The following EPB41L5 variants were observed in gnomAD, a reference collection of about 807,000 sequenced individuals.
EPB41L5 encodes the protein erythrocyte membrane protein band 4.1 like 5.
In EPB41L5, 55 loss-of-function variants were observed where a neutral mutation model predicts 106.6. The observed-to-expected ratio is 0.52, with a 90% CI of 0.42 to 0.65. The LOEUF (loss-of-function observed/expected upper bound fraction) is 0.65. EPB41L5 is among the 30% of genes least tolerant of loss of function. The pLI is 0.00. For synonymous variants in EPB41L5, 297 were observed against 306.7 expected (o/e 0.97, Z 0.33); for missense variants, 871 against 882.1 (o/e 0.99, Z 0.16).
At chr2:120,153,406 A>T (rs1405610914) in intron 20 of EPB41L5, among the ~76,000 whole-genome samples, 1 of 152,138 alleles carries the variant, frequency 6.6e-6, no homozygotes, top group African/African-American at 2.4e-5. Flanking sequence ...TAACACATGC[A>T]GTCTAGTAGA....
At chr2:120,019,505 C>T (rs573500637) in intron 2 of EPB41L5, among the ~76,000 whole-genome samples, 1 of 152,210 alleles carries the variant, frequency 6.6e-6, no homozygotes, top group Admixed American at 6.5e-5. Context: ...AATGACAGGG[C>T]AGTTATTGGC....
chr2:120,042,624 A>G (rs10207825), intron 3 of EPB41L5, among the ~76,000 whole-genome samples: 150 of 152,328 alleles, frequency 9.8e-4, no homozygotes, highest in African/African-American at 3.5e-3. Flanking sequence ...GTTGGAGGCT[A>G]TTCAAATAAC....
chr2:120,057,424 C>G (rs13032992), intron 3 of EPB41L5, among the ~76,000 whole-genome samples: 26,676 of 152,130 alleles, frequency 0.18, 3,034 homozygotes, highest in East Asian at 0.48. Context: ...AATCTGTGGA[C>G]TTACCCTAGA....
At chr2:120,025,509 C>A (rs1678243613) in intron 2 of EPB41L5, among the ~76,000 whole-genome samples, 1 of 152,060 alleles carries the variant, frequency 6.6e-6, no homozygotes, top group Non-Finnish European at 1.5e-5. Context: ...ATCCAATTTG[C>A]CAGTCTGTGT....
intron 21 of EPB41L5, among the ~76,000 whole-genome samples, chr2:120,163,264 C>G (rs879719532): frequency 2.2e-5 from 3 of 136,464 alleles, no homozygotes; most frequent in Admixed American, 7.1e-5. Flanking sequence ...CTCTGCCCCC[C>G]CCCCCCCCAA....
chr2:120,100,176 T>G, intron 14 of EPB41L5, 68 bp from the exon 15 acceptor site: 1 of 1,209,326 alleles, frequency 8.3e-7, no homozygotes, highest in Non-Finnish European at 1.2e-6. Context: ...AGTGTATGTG[T>G]TATCTTACAA....
intron 16 of EPB41L5, chr2:120,106,206 A>T: frequency 1.0e-6 from 1 of 985,334 alleles, no homozygotes; most frequent in African/African-American, 1.7e-5. Context: ...CGAATTCCTG[A>T]TGAGAGAAAC....
At chr2:120,067,371 G>A (rs1681514815) in intron 3 of EPB41L5, among the ~76,000 whole-genome samples, 1 of 152,178 alleles carries the variant, frequency 6.6e-6, no homozygotes, top group African/African-American at 2.4e-5. Flanking sequence ...CTGCGTTTCT[G>A]AAATTGGATT....
At chr2:120,106,030 A>G in intron 16 of EPB41L5, 1 of 984,720 alleles carries the variant, frequency 1.0e-6, no homozygotes, top group Non-Finnish European at 1.2e-6. Context: ...ATAATGCCCC[A>G]TATATATCTT....
rs2105591129 is a variant in EPB41L5 at position 120,177,164 on chromosome 2, A to G, written c.*2257A>G. 1 of 152,346 alleles carries G rather than the reference A, an allele frequency of 6.6e-6. No homozygotes were observed. Among genetic ancestry groups the G allele is most frequent in the East Asian group, 1.9e-4 (1 of 5,180 alleles). The allele number at this position is 152,346 out of a possible 1,614,324, so 9.4% of individuals were successfully genotyped here. A position where few individuals can be genotyped will look rare whatever the true frequency, so the allele number is the denominator to read the frequency against. ...CTTCCTGTTCTGCTCCCCTGAGAAC[A>G]GTGTGGTGGGGAGAGGCAGGGCTGA... On this transcript the variant is annotated 3_prime_UTR_variant, in exon 25 of 25. Coordinates refer to ENST00000263713, the MANE Select transcript of EPB41L5 (RefSeq NM_020909.4).
At chr2:120,165,413 T>C (rs1488304612) in intron 22 of EPB41L5, among the ~76,000 whole-genome samples, 1 of 152,208 alleles carries the variant, frequency 6.6e-6, no homozygotes, top group Non-Finnish European at 1.5e-5. Context: ...AACCTACACA[T>C]ATCCTCTAGT....
chr2:120,070,164 A>T (rs1023482732), intron 3 of EPB41L5, among the ~76,000 whole-genome samples: 2 of 152,250 alleles, frequency 1.3e-5, no homozygotes, highest in African/African-American at 4.8e-5. Flanking sequence ...CACTGATCCC[A>T]CAGAAATACA....
At chr2:120,015,914 A>AG (rs1391897123) in intron 1 of EPB41L5, among the ~76,000 whole-genome samples, 16 of 151,932 alleles carry the variant, frequency 1.1e-4, no homozygotes, top group African/African-American at 3.4e-4. Context: ...CTCTAAAAAA[A>AG]AAAAAAAAAA....
chr2:120,073,473 C>T (rs1159434984), intron 4 of EPB41L5, among the ~76,000 whole-genome samples: 1 of 152,094 alleles, frequency 6.6e-6, no homozygotes, highest in East Asian at 1.9e-4. Flanking sequence ...ATTGACTTTC[C>T]CCGAAATGCT....
intron 21 of EPB41L5, among the ~76,000 whole-genome samples, chr2:120,163,669 A>G (rs563935323): frequency 6.6e-6 from 1 of 151,482 alleles, no homozygotes; most frequent in South Asian, 2.1e-4. Context: ...TCTAAAAGTT[A>G]AAAGGCTGGG....
At chr2:120,138,367 G>A (rs1686023550) in intron 18 of EPB41L5, among the ~76,000 whole-genome samples, 1 of 151,912 alleles carries the variant, frequency 6.6e-6, no homozygotes, top group African/African-American at 2.4e-5. Context: ...ACAAGAGAAT[G>A]AAATAAAGGG....
intron 3 of EPB41L5, among the ~76,000 whole-genome samples, chr2:120,060,467 G>A (rs1680958555): frequency 6.6e-6 from 1 of 152,140 alleles, no homozygotes; most frequent in South Asian, 2.1e-4. Context: ...CAACTTGGAT[G>A]GATTTCAGAG....
In EPB41L5 at chr2:120,090,430, T is replaced by G; in HGVS notation, c.957T>G (p.His319Gln). 6.2e-7 allele frequency: 1 copy of G among 1,613,796 alleles called. No individual in the cohort carries two copies. The highest frequency in any genetic ancestry group is 8.5e-7 in the Non-Finnish European group (1 of 1,179,786). The stretch of plus-strand genomic sequence containing the variant: ...ATTTATGGAAATGTGCTGTGGAGCA[T>G]CATGCTTTCTTCCGCCTTCGAGGCC... Reference protein sequence around the residue: ...CKHLWKCAVEHHAFFRLRGPV... With the variant: ...CKHLWKCAVEQHAFFRLRGPV... The change falls in exon 12 of 25, where the codon CAT becomes CAG. Residue 319 changes from histidine to glutamine, a missense_variant. Physicochemically the swap from His to Gln is conservative, Grantham distance 24. Transcript: ENST00000263713.
At chr2:120,088,834 A>G (rs1022551076) in intron 11 of EPB41L5, among the ~76,000 whole-genome samples, 7 of 152,164 alleles carry the variant, frequency 4.6e-5, no homozygotes, top group Non-Finnish European at 1.0e-4. Flanking sequence ...ACTCTGGTTT[A>G]GTACTTATCT....
Sources: gnomAD v4.1 joint callset for allele counts (sites outside exome capture counted in the v4.1 genomes callset) on GRCh38, gnomAD v4.1.1 for gene constraint, MANE v1.5 for transcripts, NCBI Gene and HGNC (gene_info 2026-07-23, HGNC 2026-07-21) for gene names.